Variants in UNC80 observed in about 807,000 individuals in gnomAD.
The protein encoded by UNC80 is unc-80 subunit of NALCN channel complex.
UNC80 carries 164 observed loss-of-function variants against 384.6 expected under a neutral mutation model. The ratio of observed to expected loss-of-function variants is 0.43; its 90% CI spans 0.38 to 0.49. The LOEUF (loss-of-function observed/expected upper bound fraction) is 0.49. UNC80 is among the 20% of genes least tolerant of loss of function. The pLI is 0.00. For synonymous variants in UNC80, 1,486 were observed against 1,527.8 expected (o/e 0.97, Z 0.64); for missense variants, 3,330 against 4,143.0 (o/e 0.80, Z 5.39).
intron 42 of UNC80, among the ~76,000 whole-genome samples, chr2:209,938,891 G>A (rs547181628): frequency 1.1e-3 from 161 of 152,246 alleles, no homozygotes; most frequent in Non-Finnish European, 2.0e-3. Context: ...AGTTTCCTCA[G>A]TAGCTACTCA....
chr2:209,964,451 A>G (rs1157052414), intron 51 of UNC80, among the ~76,000 whole-genome samples: 2 of 152,182 alleles, frequency 1.3e-5, no homozygotes, highest in Non-Finnish European at 2.9e-5. Flanking sequence ...TGGAGATTCA[A>G]TCAGCAAAAT....
At chr2:209,985,014 CTTAATA>C in intron 61 of UNC80, 102 bp downstream of exon 61, 3 of 1,015,704 alleles carry the variant, frequency 3.0e-6, no homozygotes, top group Non-Finnish European at 4.3e-6. Context: ...CTCGCCCCGT[CTTAATA>C]TCTATTTCCA....
intron 38 of UNC80, among the ~76,000 whole-genome samples, chr2:209,933,348 A>G (rs997610154): frequency 1.3e-5 from 2 of 152,092 alleles, no homozygotes; most frequent in African/African-American, 2.4e-5. Flanking sequence ...ACATTTACCT[A>G]TGTAACAAAC....
In UNC80 at chr2:209,820,563, G is replaced by C; in HGVS notation, c.2215G>C (p.Asp739His). 6.4e-7 allele frequency: 1 copy of C among 1,551,680 alleles called. No homozygotes were observed. Residue 739 changes from aspartate (D) to histidine (H), a missense_variant, in exon 13 of 65, where the codon GAT (aspartate) becomes CAT (histidine). Coordinates refer to ENST00000673920, the MANE Select transcript of UNC80 (RefSeq NM_001371986.1). ...AGGCCCTGCTGTTAGTGGAGCTGGA[G>C]ATGGTGGAGGAGAAGAAGGAGGAGG... ...FGGPAVSGAG[D>H]GGGEEGGGGD... is the part of the protein sequence containing the mutation.
rs2084349824 is a variant in UNC80, at chr2:209,872,061, G to A, written c.3628-697G>A. Among the ~76,000 whole-genome samples the A allele has an allele frequency of 6.6e-6, 1 of 151,740 alleles. No homozygotes were observed. Among genetic ancestry groups the A allele is most frequent in the Admixed American group, 6.6e-5 (1 of 15,226 alleles). ...TCTGTCTCCCAGGCTGGAGTGCAGTGGCGCGATCTCAGCTAACTGCAACTT... is the reference window on the plus strand; with the variant it reads ...TCTGTCTCCCAGGCTGGAGTGCAGTAGCGCGATCTCAGCTAACTGCAACTT... On this transcript the variant is annotated intron_variant, in intron 22 of 64. Coordinates refer to ENST00000673920, the MANE Select transcript of UNC80 (RefSeq NM_001371986.1). The surrounding 1 kb of genome is among the most constrained non-coding windows in gnomAD (Gnocchi z 4.1).
intron 4 of UNC80, among the ~76,000 whole-genome samples, chr2:209,778,375 G>A (rs1415654037): frequency 6.6e-5 from 10 of 152,090 alleles, no homozygotes; most frequent in Non-Finnish European, 8.8e-5. Context: ...ACTCCAGCCT[G>A]GGTGACAAAG....
At chr2:209,958,145 A>G (rs1307606707) in intron 49 of UNC80, among the ~76,000 whole-genome samples, 1 of 152,036 alleles carries the variant, frequency 6.6e-6, no homozygotes, top group African/African-American at 2.4e-5. Flanking sequence ...CAGACATTTC[A>G]TCCAAACTTT....
At chr2:209,799,657 A>G (rs1341744964) in intron 7 of UNC80, among the ~76,000 whole-genome samples, 1 of 152,196 alleles carries the variant, frequency 6.6e-6, no homozygotes, top group East Asian at 1.9e-4. Context: ...ACCAGTTTTC[A>G]AAGGGAATGC....
intron 61 of UNC80, among the ~76,000 whole-genome samples, chr2:209,985,303 A>C (rs995450581): frequency 2.0e-5 from 3 of 152,254 alleles, no homozygotes; most frequent in African/African-American, 7.2e-5. Context: ...ATCATCAAGA[A>C]GCCCCTTATT....
chr2:209,809,383 C>T (rs2079168590), intron 7 of UNC80: 3 of 1,083,820 alleles, frequency 2.8e-6, no homozygotes, highest in East Asian at 2.4e-5. Context: ...GGGCCATGTC[C>T]GGACCCACAC....
At chr2:209,875,003 A>T (rs1266495445) in intron 23 of UNC80, among the ~76,000 whole-genome samples, 5 of 152,152 alleles carry the variant, frequency 3.3e-5, no homozygotes, top group Non-Finnish European at 7.4e-5. Context: ...GAAGCCCCTT[A>T]GGCCAGATCC....
rs189160977 is a variant in UNC80 at position 209,817,974 on chromosome 2, C to T, written c.1693+22C>T. On this transcript the variant is annotated intron_variant, in intron 11 of 64. Coordinates refer to ENST00000673920, the MANE Select transcript of UNC80 (RefSeq NM_001371986.1). The stretch of plus-strand genomic sequence containing the variant: ...GAAGGTGGGTAGGAGGTGGGGCCTA[C>T]GGGCAGGAGTTCAGAGTTCTTTTTT... 8.5e-5 allele frequency: 132 copies of T among 1,550,930 alleles called. No individual in the cohort carries two copies. The East Asian group carries it at 1.2e-3, about 14-fold the overall frequency.
At chr2:209,878,138 G>A in intron 24 of UNC80, 49 bp downstream of exon 24, 1 of 1,461,566 alleles carries the variant, frequency 6.8e-7, no homozygotes, top group Non-Finnish European at 9.0e-7. Flanking sequence ...AAGAACCTCT[G>A]CTTTAGGAGC....
intron 16 of UNC80, among the ~76,000 whole-genome samples, chr2:209,833,036 T>C (rs947264468): frequency 6.6e-6 from 1 of 152,206 alleles, no homozygotes; most frequent in Non-Finnish European, 1.5e-5. Context: ...CTTTCCTTTT[T>C]GGAGTCTTGC....
At chr2:209,815,702 C>A in intron 9 of UNC80, among the ~76,000 whole-genome samples, 1 of 152,270 alleles carries the variant, frequency 6.6e-6, no homozygotes, top group East Asian at 1.9e-4. Context: ...TAACTTTCAA[C>A]TCATTTTTGG....
intron 28 of UNC80, among the ~76,000 whole-genome samples, chr2:209,900,355 T>C (rs1005774370): frequency 1.3e-5 from 2 of 152,208 alleles, no homozygotes; most frequent in African/African-American, 4.8e-5. Context: ...TATTTCAGGC[T>C]TTTTCATGAT....
At chr2:209,788,907 C>T (rs1211536144) in intron 5 of UNC80, among the ~76,000 whole-genome samples, 1 of 152,176 alleles carries the variant, frequency 6.6e-6, no homozygotes, top group Non-Finnish European at 1.5e-5. Flanking sequence ...AAGCTCCATT[C>T]ATGGTAAGTG....
chr2:209,772,066 C>T lies in UNC80; in HGVS notation c.-7C>T, dbSNP rs896112702. ...GTCCTGCAGTAGGACTCCCGGGAGCCACCATTATGGTGAAGAGGAAGAGCT... is the reference window on the plus strand; with the variant it reads ...GTCCTGCAGTAGGACTCCCGGGAGCTACCATTATGGTGAAGAGGAAGAGCT... On this transcript the variant is annotated 5_prime_UTR_variant, in exon 1 of 65. Transcript: ENST00000673920. 3 of 1,548,526 alleles carry T rather than the reference C, an allele frequency of 1.9e-6. No homozygotes were observed. The South Asian group carries it at 3.6e-5, about 18-fold the overall frequency.
rs112612639 is a variant in UNC80, at chr2:209,776,119, C to G, written c.298+74C>G. On this transcript the variant is annotated intron_variant, in intron 3 of 64. Coordinates refer to ENST00000673920, the MANE Select transcript of UNC80 (RefSeq NM_001371986.1). ...TCAACACTCATCATAATAACCTGTA[C>G]TGAGTAGTTTCTGTTTTCTCAAGCA... The G allele has an allele frequency of 7.5e-4, 1,179 of 1,562,580 alleles. 6 individuals carry two copies. The African/African-American group carries it at 0.014, about 18-fold the overall frequency.
Sources: gnomAD v4.1 joint callset for allele counts (sites outside exome capture counted in the v4.1 genomes callset) on GRCh38, gnomAD v4.1.1 for gene constraint, Gnocchi (gnomAD v3.1) non-coding constraint, MANE v1.5 for transcripts, NCBI Gene and HGNC (gene_info 2026-07-23, HGNC 2026-07-21) for gene names.